SEZ6: variants seen among roughly 807,000 people sequenced by gnomAD.
The protein encoded by SEZ6 is seizure protein 6 homolog.
A neutral mutation model predicts 101.0 loss-of-function variants in SEZ6; 53 were observed. The observed-to-expected ratio is 0.52, with a 90% confidence interval of 0.42 to 0.66. SEZ6 has a LOEUF of 0.66. Among genes scored for constraint, SEZ6 ranks in the 30% least tolerant of loss-of-function variants. The probability of loss-of-function intolerance (pLI) is 0.00; values close to 1 mark genes in which losing one functional copy is unlikely to be tolerated. For synonymous variants in SEZ6, 488 were observed against 512.2 expected, an observed-to-expected ratio of 0.95 and a Z score of 0.64; for missense variants, 1,102 against 1,289.4, an observed-to-expected ratio of 0.85 and a Z score of 2.23.
At chr17:28,997,687 G>T (rs908956359) in intron 1 of SEZ6, among the ~76,000 whole-genome samples, 1 of 152,170 alleles carries the variant, frequency 6.6e-6, no homozygotes, top group Non-Finnish European at 1.5e-5. Context: ...GGGTCTTGTG[G>T]TTTCTTCCCA....
intron 1 of SEZ6, among the ~76,000 whole-genome samples, chr17:28,996,230 T>A (rs2041537041): frequency 1.3e-5 from 2 of 151,992 alleles, no homozygotes; most frequent in Admixed American, 1.3e-4. Context: ...ACTGGAGGCC[T>A]GGGCTCTGCC....
intron 1 of SEZ6, among the ~76,000 whole-genome samples, chr17:28,984,241 C>T (rs1032983113): frequency 2.6e-5 from 4 of 152,212 alleles, no homozygotes; most frequent in Non-Finnish European, 4.4e-5. Flanking sequence ...CTGTGACATG[C>T]CAGAACAGGG....
intron 1 of SEZ6, among the ~76,000 whole-genome samples, chr17:28,997,213 A>G (rs1381651602): frequency 2.6e-5 from 4 of 151,750 alleles, no homozygotes; most frequent in African/African-American, 9.7e-5. Flanking sequence ...ATGGATGACC[A>G]CTCTCGTGCA....
At position 28,967,870 on chromosome 17, in the gene SEZ6, A is replaced by G. The variant is rs547749505; in HGVS notation, c.1054+1887T>C. 1.1e-4 allele frequency among the ~76,000 whole-genome samples: 16 copies of G among 152,042 alleles called. No homozygotes were observed. The East Asian group carries it at 3.1e-3, about 30-fold the overall frequency. On this transcript the variant is annotated intron_variant, in intron 4 of 16. Coordinates refer to ENST00000317338, the MANE Select transcript of SEZ6 (RefSeq NM_178860.5). ...TGAGCTTCCTCCTGTTGCCATGACA[A>G]CCGTTCCCGGGGAGCCTGAACCACT...
intron 1 of SEZ6, among the ~76,000 whole-genome samples, chr17:29,001,092 T>A (rs557305279): frequency 6.6e-6 from 1 of 152,262 alleles, no homozygotes; most frequent in African/African-American, 2.4e-5. Flanking sequence ...GTAAAGGCTG[T>A]AATTTACAGT....
At chr17:28,958,787 A>G (rs1172376226) in intron 10 of SEZ6, among the ~76,000 whole-genome samples, 1 of 151,828 alleles carries the variant, frequency 6.6e-6, no homozygotes, top group Non-Finnish European at 1.5e-5. Flanking sequence ...CTCAGAAAAA[A>G]AAAAAAAGGA....
At chr17:28,975,786 T>C (rs2041212517) in intron 3 of SEZ6, among the ~76,000 whole-genome samples, 1 of 152,222 alleles carries the variant, frequency 6.6e-6, no homozygotes, top group African/African-American at 2.4e-5. Context: ...GCGAGCTGTG[T>C]GCCAACAGAG....
chr17:28,995,752 G>T (rs1261780620), intron 1 of SEZ6, among the ~76,000 whole-genome samples: 1 of 152,214 alleles, frequency 6.6e-6, no homozygotes, highest in Admixed American at 6.5e-5. Flanking sequence ...CAGAGCAGCT[G>T]CAGCTGGTGG....
In SEZ6 at chr17:29,000,496, A is replaced by G. The variant is rs540127518; in HGVS notation, c.55+5319T>C. 1.2e-4 allele frequency among the ~76,000 whole-genome samples: 18 copies of G among 152,308 alleles called. No individual in the cohort carries two copies. The South Asian group carries it at 3.7e-3, about 32-fold the overall frequency. On this transcript the variant is annotated intron_variant, in intron 1 of 16. Transcript: ENST00000317338. ...AGGCCTCACGTCTCAATATATATCT[A>G]TGGAATGAATGAATGAATGATGGAT...
chr17:28,990,490 C>G (rs935810033), intron 1 of SEZ6, among the ~76,000 whole-genome samples: 2 of 152,074 alleles, frequency 1.3e-5, no homozygotes, highest in African/African-American at 4.8e-5. Flanking sequence ...GTCTAGAACT[C>G]CTGAACTCAA....
chr17:28,965,154 C>T (rs1007574578), intron 4 of SEZ6, among the ~76,000 whole-genome samples: 10 of 151,858 alleles, frequency 6.6e-5, no homozygotes, highest in Admixed American at 2.0e-4. Flanking sequence ...GAGGTCGAGA[C>T]CAGCCTGGCC....
At chr17:28,997,817 G>A (rs1186498450) in intron 1 of SEZ6, among the ~76,000 whole-genome samples, 2 of 152,110 alleles carry the variant, frequency 1.3e-5, no homozygotes, top group Admixed American at 6.5e-5. Flanking sequence ...GACACAACTT[G>A]CCCAAGGTCA....
In SEZ6 at chr17:28,959,026, A is replaced by G. The variant is rs769915370; in HGVS notation, c.2106T>C (p.Phe702=). Reference sequence around the variant, plus strand: ...TGAGTGGGGTAGGGACAAGCTCACCAAAGAAGTGGATGACGAAGCCCTGCT... The same window carrying G: ...TGAGTGGGGTAGGGACAAGCTCACCGAAGAAGTGGATGACGAAGCCCTGCT... ...GYQQGFVIHF[F]EVPRNDTCPE... Residue 702 remains phenylalanine, a splice_region_variant and synonymous_variant, in exon 10 of 17, where the codon TTT becomes TTC. Transcript: ENST00000317338. This position sits in a 1 kb window ranked among gnomAD's most constrained non-coding sequence, Gnocchi z 4.4. 1.2e-6 allele frequency: 2 copies of G among 1,611,044 alleles called. No homozygotes were observed. Among genetic ancestry groups the G allele is most frequent in the African/African-American group, 2.7e-5 (2 of 75,020 alleles).
chr17:28,982,064 G>A (rs748082026), intron 1 of SEZ6, 25 bp from the exon 2 acceptor site: 59 of 1,548,174 alleles, frequency 3.8e-5, no homozygotes, highest in East Asian at 1.6e-4. Context: ...GATGGTCAGA[G>A]GTTCTCCCCC....
chr17:29,003,133 A>T (rs2041637212), intron 1 of SEZ6, among the ~76,000 whole-genome samples: 1 of 152,192 alleles, frequency 6.6e-6, no homozygotes, highest in South Asian at 2.1e-4. Flanking sequence ...AACTTTATTG[A>T]TATTCAGAAA....
chr17:28,957,978 A>C lies in SEZ6; in HGVS notation c.2271T>G (p.Thr757=). 6.2e-7 allele frequency: 1 copy of C among 1,613,938 alleles called. No homozygotes were observed. The change falls in exon 11 of 17, where the codon ACT becomes ACG. Residue 757 remains threonine, a synonymous_variant. Coordinates refer to ENST00000317338, the MANE Select transcript of SEZ6 (RefSeq NM_178860.5). ...GGCATGAGGGCAGGTCCTCACTCCA[A>C]GTTAGGTCCCACTGGCACATGAGGA... is the stretch of plus-strand genomic sequence containing the variant. The part of the protein sequence containing the change: ...SSVLMCQWDL[T]WSEDLPSCQR...
chr17:28,962,882 T>G (rs901547039), intron 5 of SEZ6, among the ~76,000 whole-genome samples: 15 of 151,554 alleles, frequency 9.9e-5, no homozygotes, highest in Non-Finnish European at 2.2e-4. Context: ...CCCAGCACTT[T>G]GGGAGGCTGA....
At chr17:28,993,893 G>A (rs2041500602) in intron 1 of SEZ6, among the ~76,000 whole-genome samples, 1 of 152,256 alleles carries the variant, frequency 6.6e-6, no homozygotes, top group African/African-American at 2.4e-5. Flanking sequence ...CCAAGCCTCT[G>A]TGGCCTTTGG....
At chr17:28,962,427 G>A (rs992374281) in intron 5 of SEZ6, among the ~76,000 whole-genome samples, 3 of 152,198 alleles carry the variant, frequency 2.0e-5, no homozygotes, top group African/African-American at 7.2e-5. Flanking sequence ...GGCTGAGAAA[G>A]CATCTGTGTT....
Sources: allele counts gnomAD v4.1 joint callset (sites outside exome capture counted in the v4.1 genomes callset), GRCh38; gene constraint gnomAD v4.1.1; non-coding constraint Gnocchi (gnomAD v3.1); transcripts MANE v1.5; gene names NCBI Gene and HGNC (gene_info 2026-07-23, HGNC 2026-07-21).